Variants in SH2D4B observed in about 807,000 individuals in gnomAD.
The protein encoded by SH2D4B is SH2 domain containing 4B.
SH2D4B carries 45 observed loss-of-function variants against 61.5 expected under a neutral mutation model. The observed-to-expected ratio is 0.73, with a 90% confidence interval of 0.58 to 0.94. The LOEUF is 0.94. Ranked by LOEUF, SH2D4B falls within the 40% of genes least tolerant of loss-of-function variation. SH2D4B has a pLI of 0.00. For missense variants in SH2D4B, 572 were observed against 574.2 expected (o/e 1.00, Z 0.04); for synonymous variants, 224 against 220.4 (o/e 1.02, Z -0.14).
chr10:80,538,269 G>A lies in SH2D4B; in HGVS notation c.-63G>A, dbSNP rs771384373. 83 of 1,265,892 alleles carry A rather than the reference G, an allele frequency of 6.6e-5. No individual in the cohort carries two copies. Among genetic ancestry groups the A allele is most frequent in the African/African-American group, 4.2e-4 (27 of 64,464 alleles). 78.4% of individuals were successfully genotyped at this position (1,265,892 alleles called of 1,614,324 possible). On this transcript the variant is annotated 5_prime_UTR_variant, in exon 1 of 8. Coordinates refer to ENST00000646907, the MANE Select transcript of SH2D4B (RefSeq NM_001388272.1). This position sits in a 1 kb window ranked among gnomAD's most constrained non-coding sequence, Gnocchi z 4.8. The stretch of plus-strand genomic sequence containing the variant: ...CGTAGTGCAGAGCAGCCCCTCGGGC[G>A]TTCTGCCTGGCCCTGCTTCCCCTGC...
At chr10:80,574,722 C>T (rs1016069458) in intron 3 of SH2D4B, among the ~76,000 whole-genome samples, 8 of 151,730 alleles carry the variant, frequency 5.3e-5, no homozygotes, top group South Asian at 2.1e-4. Flanking sequence ...TTGTTTGAGA[C>T]GGAGTTTCGC....
Position 80,644,137 on chromosome 10 carries a change from C to G in SH2D4B, c.*52C>G. On this transcript the variant is annotated 3_prime_UTR_variant, in exon 8 of 8. Transcript: ENST00000646907. Reference sequence around the variant, plus strand: ...TTTGGTATCCTGTTTTTGAACTCAGCTTAAGAACTTCTCATCTCAAATCCT... The same window carrying G: ...TTTGGTATCCTGTTTTTGAACTCAGGTTAAGAACTTCTCATCTCAAATCCT... 7.0e-7 allele frequency: 1 copy of G among 1,425,554 alleles called. No individual in the cohort carries two copies. The highest frequency in any genetic ancestry group is 1.2e-5 in the South Asian group (1 of 85,398). The allele number at this position is 1,425,554 out of a possible 1,614,324, so 88.3% of individuals were successfully genotyped here.
intron 6 of SH2D4B, among the ~76,000 whole-genome samples, chr10:80,624,812 A>G (rs1842753122): frequency 6.6e-6 from 1 of 152,218 alleles, no homozygotes; most frequent in Non-Finnish European, 1.5e-5. Context: ...ACATTGATCA[A>G]TTTTGAATGA....
chr10:80,635,906 G>A (rs1486160273), intron 7 of SH2D4B, among the ~76,000 whole-genome samples: 5 of 152,010 alleles, frequency 3.3e-5, no homozygotes, highest in Admixed American at 2.6e-4. Context: ...CCATTAACTC[G>A]TCATTTACGT....
intron 3 of SH2D4B, among the ~76,000 whole-genome samples, chr10:80,572,606 A>ACTCCC (rs1295634471): frequency 6.7e-6 from 1 of 148,954 alleles, no homozygotes; most frequent in Non-Finnish European, 1.5e-5. Flanking sequence ...CCTTCCCTCC[A>ACTCCC]CTCCCCTCCC....
At chr10:80,551,197 C>T (rs1028709044) in intron 1 of SH2D4B, among the ~76,000 whole-genome samples, 3 of 152,066 alleles carry the variant, frequency 2.0e-5, no homozygotes, top group Admixed American at 6.6e-5. Flanking sequence ...GGACTACAGG[C>T]ACCCTCCACC....
chr10:80,560,824 G>A (rs1198305343), intron 1 of SH2D4B, among the ~76,000 whole-genome samples: 7 of 150,278 alleles, frequency 4.7e-5, no homozygotes, highest in African/African-American at 1.7e-4. Flanking sequence ...AGGTCTTCAA[G>A]GTCAACACTA....
intron 6 of SH2D4B, among the ~76,000 whole-genome samples, chr10:80,625,727 A>G (rs1842761899): frequency 6.6e-6 from 1 of 151,756 alleles, no homozygotes; most frequent in African/African-American, 2.4e-5. Context: ...CCTGCACACC[A>G]TGCCTGGCTA....
intron 5 of SH2D4B, among the ~76,000 whole-genome samples, chr10:80,605,912 CA>C (rs1354727424): frequency 6.6e-6 from 1 of 152,220 alleles, no homozygotes; most frequent in Non-Finnish European, 1.5e-5. Flanking sequence ...CCCTCAGGCC[CA>C]TTTGATGGAG....
At chr10:80,633,948 C>A (rs1564530935) in intron 6 of SH2D4B, among the ~76,000 whole-genome samples, 2 of 152,238 alleles carry the variant, frequency 1.3e-5, no homozygotes, top group South Asian at 4.1e-4. Context: ...TATTTATAAT[C>A]AATAATGCTA....
At chr10:80,608,152 G>A (rs906077403) in intron 5 of SH2D4B, among the ~76,000 whole-genome samples, 3 of 152,180 alleles carry the variant, frequency 2.0e-5, no homozygotes, top group Admixed American at 6.5e-5. Flanking sequence ...GAGAGAAACC[G>A]GAGAACCTCA....
chr10:80,611,735 A>G (rs1429441346), intron 6 of SH2D4B, among the ~76,000 whole-genome samples: 8 of 151,694 alleles, frequency 5.3e-5, no homozygotes. Flanking sequence ...GCCAGTGGAG[A>G]AGGTGCGACC....
chr10:80,629,240 A>AAG (rs1390176540), intron 6 of SH2D4B, among the ~76,000 whole-genome samples: 1 of 151,894 alleles, frequency 6.6e-6, no homozygotes, highest in Admixed American at 6.6e-5. Context: ...GAGGGGATGC[A>AAG]AGAGAGAGAG....
At chr10:80,576,156 A>G (rs1842122904) in intron 3 of SH2D4B, among the ~76,000 whole-genome samples, 1 of 152,124 alleles carries the variant, frequency 6.6e-6, no homozygotes, top group Non-Finnish European at 1.5e-5. Flanking sequence ...TTTCTGGTCA[A>G]TGGTCTCCTT....
At chr10:80,640,386 C>G (rs1840269458) in intron 7 of SH2D4B, among the ~76,000 whole-genome samples, 2 of 152,284 alleles carry the variant, frequency 1.3e-5, no homozygotes, top group South Asian at 4.2e-4. Flanking sequence ...AGAGTGTTTT[C>G]CAACTTGGTT....
intron 4 of SH2D4B, among the ~76,000 whole-genome samples, chr10:80,595,458 G>T (rs11186210): frequency 0.12 from 18,143 of 152,140 alleles, 1,213 homozygotes; most frequent in East Asian, 0.25. Context: ...AAGTGAGGGG[G>T]CCCATGGTCC....
Position 80,538,409 on chromosome 10 carries a change from C to A in SH2D4B, c.78C>A (p.Ile26=). Residue 26 remains isoleucine, a synonymous_variant, in exon 1 of 8, where the codon ATC becomes ATA. Coordinates refer to ENST00000646907, the MANE Select transcript of SH2D4B (RefSeq NM_001388272.1). The surrounding 1 kb of genome is among the most constrained non-coding windows in gnomAD (Gnocchi z 4.8). Reference sequence around the variant, plus strand: ...AGCTCAGCGATGTGCAGAAGCACATCCTCTTCTACAAAATGCGGGAGGAGC... The same window carrying A: ...AGCTCAGCGATGTGCAGAAGCACATACTCTTCTACAAAATGCGGGAGGAGC... ...LAELSDVQKH[I]LFYKMREEQL... is the part of the protein sequence containing the mutation. 6.7e-7 allele frequency: 1 copy of A among 1,481,834 alleles called. No individual in the cohort carries two copies. Among genetic ancestry groups the A allele is most frequent in the Non-Finnish European group, 9.0e-7 (1 of 1,114,054 alleles). 91.8% of individuals were successfully genotyped at this position (1,481,834 alleles called of 1,614,324 possible). A position where few individuals can be genotyped will look rare whatever the true frequency, so the allele number is the denominator to read the frequency against.
chr10:80,586,607 A>T (rs1842252937), intron 3 of SH2D4B, among the ~76,000 whole-genome samples: 1 of 152,176 alleles, frequency 6.6e-6, no homozygotes, highest in African/African-American at 2.4e-5. Context: ...CGCACCAATC[A>T]GTGCCCTGTC....
At chr10:80,559,949 T>G (rs922523421) in intron 1 of SH2D4B, among the ~76,000 whole-genome samples, 1 of 151,878 alleles carries the variant, frequency 6.6e-6, no homozygotes, top group Non-Finnish European at 1.5e-5. Context: ...TGAAATCTAT[T>G]TTCTTGCTAT....
Sources: gnomAD v4.1 joint callset for allele counts (sites outside exome capture counted in the v4.1 genomes callset) on GRCh38, gnomAD v4.1.1 for gene constraint, Gnocchi (gnomAD v3.1) non-coding constraint, MANE v1.5 for transcripts, NCBI Gene and HGNC (gene_info 2026-07-23, HGNC 2026-07-21) for gene names.